MBNL2: variants seen among roughly 807,000 people sequenced by gnomAD.
The protein encoded by MBNL2 is muscleblind-like protein 2.
A neutral mutation model predicts 41.9 loss-of-function variants in MBNL2; 17 were observed. That is an observed-to-expected ratio of 0.41 (90% CI 0.28 to 0.61). The LOEUF (loss-of-function observed/expected upper bound fraction) is 0.61, where lower values mean the gene tolerates loss of function less well. Ranked by LOEUF, MBNL2 falls within the 20% of genes least tolerant of loss-of-function variation. The probability of loss-of-function intolerance (pLI) is 0.35; values close to 1 mark genes in which losing one functional copy is unlikely to be tolerated. For missense variants in MBNL2, 336 were observed against 505.6 expected (o/e 0.66, Z 3.22); for synonymous variants, 195 against 182.9 (o/e 1.07, Z -0.53).
chr13:97,315,657 G>A (rs1164319985), intron 2 of MBNL2, among the ~76,000 whole-genome samples: 1 of 152,190 alleles, frequency 6.6e-6, no homozygotes, highest in African/African-American at 2.4e-5. Context: ...AACAGCTTGA[G>A]CAAACTCATA....
At position 97,323,184 on chromosome 13, in the gene MBNL2, G is replaced by T. The variant is rs994158492; in HGVS notation, c.175-11092G>T. Among the ~76,000 whole-genome samples the T allele has an allele frequency of 5.3e-5, 8 of 152,150 alleles. No homozygotes were observed. In the East Asian group the frequency reaches 1.5e-3, roughly 29 times the overall value. ...CAAATTCCAGGCAGCCTTCTGTGGG[G>T]GTAGGTGATTCACCATATAGTATTG... On this transcript the variant is annotated intron_variant, in intron 2 of 8. Coordinates refer to ENST00000679496, the MANE Select transcript of MBNL2 (RefSeq NM_001382683.1).
intron 1 of MBNL2, among the ~76,000 whole-genome samples, chr13:97,223,893 C>T (rs961990261): frequency 1.3e-5 from 2 of 152,216 alleles, no homozygotes; most frequent in East Asian, 3.8e-4. Flanking sequence ...ACTATTTCTG[C>T]TGTGTGTTCC....
chr13:97,312,242 A>G (rs2058678178), intron 2 of MBNL2, among the ~76,000 whole-genome samples: 1 of 152,234 alleles, frequency 6.6e-6, no homozygotes. Flanking sequence ...TTAATGGAAT[A>G]AGGGGACGGA....
chr13:97,215,817 T>G, the MBNL2 span, among the ~76,000 whole-genome samples: 2 of 152,162 alleles, frequency 1.3e-5, no homozygotes, highest in Non-Finnish European at 2.9e-5. Flanking sequence ...GCAAGGAAGT[T>G]TGGAAATCTC....
chr13:97,272,431 G>A (rs752976663), intron 1 of MBNL2, among the ~76,000 whole-genome samples: 47 of 152,040 alleles, frequency 3.1e-4, no homozygotes, highest in African/African-American at 8.0e-4. Flanking sequence ...AGTTTCTTTC[G>A]CTGTGCAGAA....
chr13:97,280,630 C>T (rs1291596673), intron 2 of MBNL2, among the ~76,000 whole-genome samples: 1 of 152,180 alleles, frequency 6.6e-6, no homozygotes, highest in Non-Finnish European at 1.5e-5. Flanking sequence ...GCAAAGGCTG[C>T]CTAGGCCCTG....
the MBNL2 span, among the ~76,000 whole-genome samples, chr13:97,175,032 A>C: frequency 6.6e-6 from 1 of 152,124 alleles, no homozygotes; most frequent in Non-Finnish European, 1.5e-5. Flanking sequence ...CTTTAAGAAA[A>C]TACCCTGCAG....
At chr13:97,183,219 C>G in the MBNL2 span, among the ~76,000 whole-genome samples, 1 of 152,156 alleles carries the variant, frequency 6.6e-6, no homozygotes, top group Non-Finnish European at 1.5e-5. Context: ...TTCAGTATCA[C>G]TGATCTCTGT....
chr13:97,253,794 A>T (rs921619594), intron 1 of MBNL2, among the ~76,000 whole-genome samples: 33 of 152,024 alleles, frequency 2.2e-4, no homozygotes, highest in African/African-American at 7.7e-4. Flanking sequence ...ATAAGTTCTT[A>T]TTAATACTTA....
At chr13:97,167,613 A>T in the MBNL2 span, among the ~76,000 whole-genome samples, 2 of 152,218 alleles carry the variant, frequency 1.3e-5, no homozygotes, top group Non-Finnish European at 2.9e-5. Context: ...AGTTCCTTTA[A>T]CATATTTAGG....
chr13:97,170,241 A>G, the MBNL2 span, among the ~76,000 whole-genome samples: 1 of 152,224 alleles, frequency 6.6e-6, no homozygotes, highest in African/African-American at 2.4e-5. Flanking sequence ...ATATGTGTGA[A>G]TGATACTGAT....
At chr13:97,193,871 C>G in the MBNL2 span, among the ~76,000 whole-genome samples, 1 of 152,186 alleles carries the variant, frequency 6.6e-6, no homozygotes, top group Non-Finnish European at 1.5e-5. Flanking sequence ...AGGGCAGACT[C>G]CTGATCACAC....
chr13:97,239,805 A>G (rs2043936590), intron 1 of MBNL2, among the ~76,000 whole-genome samples: 1 of 152,234 alleles, frequency 6.6e-6, no homozygotes, highest in South Asian at 2.1e-4. Flanking sequence ...CAAAATGTAC[A>G]GCACGTCTGA....
At chr13:97,255,800 A>G (rs758011298) in intron 1 of MBNL2, among the ~76,000 whole-genome samples, 2 of 152,256 alleles carry the variant, frequency 1.3e-5, no homozygotes, top group Non-Finnish European at 2.9e-5. Context: ...TGAAGCATCC[A>G]TAATCTACCT....
intron 8 of MBNL2, among the ~76,000 whole-genome samples, chr13:97,367,072 C>T (rs1566444619): frequency 2.0e-5 from 3 of 152,204 alleles, no homozygotes; most frequent in African/African-American, 7.2e-5. Context: ...TGGTTCCCAC[C>T]TTACAATCTG....
At chr13:97,352,510 G>A (rs1177948394) in intron 5 of MBNL2, among the ~76,000 whole-genome samples, 1 of 152,142 alleles carries the variant, frequency 6.6e-6, no homozygotes, top group Non-Finnish European at 1.5e-5. Context: ...GACGTTTATC[G>A]ATTAAGTTTG....
intron 1 of MBNL2, among the ~76,000 whole-genome samples, chr13:97,274,567 A>G (rs2051784811): frequency 6.6e-6 from 1 of 152,204 alleles, no homozygotes; most frequent in Non-Finnish European, 1.5e-5. Context: ...TGCCAATTTA[A>G]AATAATCTAC....
chr13:97,307,341 A>C (rs895510878), intron 2 of MBNL2, among the ~76,000 whole-genome samples: 3 of 152,036 alleles, frequency 2.0e-5, no homozygotes, highest in African/African-American at 7.2e-5. Flanking sequence ...CCAAAGCCTT[A>C]AATTGGTTCC....
the MBNL2 span, among the ~76,000 whole-genome samples, chr13:97,164,408 CTT>C: frequency 5.3e-5 from 8 of 152,254 alleles, no homozygotes; most frequent in South Asian, 1.5e-3. Context: ...ACTGGTGTCT[CTT>C]AGTGCAATGC....
Sources: gnomAD v4.1 joint callset for allele counts (sites outside exome capture counted in the v4.1 genomes callset) on GRCh38, gnomAD v4.1.1 for gene constraint, MANE v1.5 for transcripts, NCBI Gene and HGNC (gene_info 2026-07-23, HGNC 2026-07-21) for gene names.